CCT2: variants seen among roughly 807,000 people sequenced by gnomAD.
CCT2 encodes the protein chaperonin containing TCP1 subunit 2.
CCT2 carries 18 observed loss-of-function variants against 61.8 expected under a neutral mutation model. The ratio of observed to expected loss-of-function variants is 0.29; its 90% CI spans 0.20 to 0.43. CCT2 has a LOEUF of 0.43. CCT2 is among the 20% of genes least tolerant of loss of function. The pLI is 1.00. For missense variants in CCT2, 556 were observed against 656.9 expected (o/e 0.85, Z 1.68); for synonymous variants, 248 against 215.9 (o/e 1.15, Z -1.30).
chr12:69,586,698 CTG>C (rs1881673800), intron 2 of CCT2, 53 bp from the exon 3 acceptor site: 3 of 1,190,298 alleles, frequency 2.5e-6, no homozygotes, highest in Non-Finnish European at 3.6e-6. Flanking sequence ...AAAGATAAAA[CTG>C]TACTTGAAGA....
Position 69,589,531 on chromosome 12 carries a change from A to G in CCT2, c.493A>G (p.Thr165Ala). 1.2e-6 allele frequency: 2 copies of G among 1,614,148 alleles called. No individual in the cohort carries two copies. Among genetic ancestry groups the G allele is most frequent in the East Asian group, 2.2e-5 (1 of 44,880 alleles). ...FRQDLMNIAG[T>A]TLSSKLLTHH... ...TCAAGATTTAATGAATATTGCGGGC[A>G]CAACATTATCCTCAAAACTTCTTAC... The change falls in exon 7 of 16, where the codon ACA becomes GCA. Residue 165 changes from threonine to alanine, a missense_variant. By Grantham distance (58) the Thr-to-Ala change is moderately conservative (BLOSUM62 0). Around this residue, in one of 3 missense-constraint regions of CCT2, gnomAD observed 308 missense variants for 350.6 expected, o/e 0.88. Transcript: ENST00000299300.
intron 10 of CCT2, among the ~76,000 whole-genome samples, chr12:69,596,504 G>T (rs1233082645): frequency 1.3e-5 from 2 of 152,148 alleles, no homozygotes; most frequent in African/African-American, 4.8e-5. Flanking sequence ...GGGAAAATAG[G>T]AATAGAAATG....
chr12:69,587,932 A>T lies in CCT2; in HGVS notation c.259A>T (p.Met87Leu). 1 of 1,609,522 alleles carries T rather than the reference A, an allele frequency of 6.2e-7. No individual in the cohort carries two copies. The highest frequency in any genetic ancestry group is 8.5e-7 in the Non-Finnish European group (1 of 1,176,154). ...DNPAAKVLVDMSRVQDDEVGD... is the reference protein window; with the variant it reads ...DNPAAKVLVDLSRVQDDEVGD... ...TAATAACTAATTTCTTTTTCTAGAT[A>T]TGTCAAGGGTTCAAGATGATGAAGT... The change falls in exon 5 of 16, where the codon ATG becomes TTG. Residue 87 changes from methionine to leucine, a missense_variant and splice_region_variant. By Grantham distance (15) the Met-to-Leu change is conservative (BLOSUM62 2). Transcript: ENST00000299300.
In CCT2 at chr12:69,599,905, T is replaced by C. The variant is rs754693581; in HGVS notation, c.1478T>C (p.Ile493Thr). Residue 493 changes from isoleucine (I) to threonine (T), a missense_variant, in exon 15 of 16, where the codon ATA becomes ACA. Transcript: ENST00000299300. The part of the protein sequence containing the change: ...GTIGDMAILG[I>T]TESFQVKRQV... Reference sequence around the variant, plus strand: ...ATTGGAGATATGGCTATCCTGGGTATAACAGAAAGTTTTCAAGTGAAGCGA... The same window carrying C: ...ATTGGAGATATGGCTATCCTGGGTACAACAGAAAGTTTTCAAGTGAAGCGA... The C allele has an allele frequency of 6.2e-7, 1 of 1,613,910 alleles. No homozygotes were observed. The highest frequency in any genetic ancestry group is 1.1e-5 in the South Asian group (1 of 91,064).
At chr12:69,586,550 C>T (rs191887804) in intron 2 of CCT2, among the ~76,000 whole-genome samples, 2 of 152,010 alleles carry the variant, frequency 1.3e-5, no homozygotes, top group African/African-American at 2.4e-5. Context: ...CACCTGTAAT[C>T]CCAGCTACTC....
At chr12:69,596,449 G>T (rs1881996322) in intron 10 of CCT2, among the ~76,000 whole-genome samples, 1 of 152,186 alleles carries the variant, frequency 6.6e-6, no homozygotes, top group African/African-American at 2.4e-5. Context: ...TAGGAAATAG[G>T]GAACGAAGTG....
At chr12:69,593,159 C>T (rs1881887194) in intron 9 of CCT2, 56 bp downstream of exon 9, 3 of 1,455,214 alleles carry the variant, frequency 2.1e-6, no homozygotes, top group African/African-American at 2.8e-5. Flanking sequence ...TGGAATACTT[C>T]ATATTTACTT....
rs1052797432 is a variant in CCT2 at position 69,597,153 on chromosome 12, T to C, written c.983-3T>C. 2.5e-6 allele frequency: 4 copies of C among 1,613,524 alleles called. No homozygotes were observed. Among genetic ancestry groups the C allele is most frequent in the African/African-American group, 1.3e-5 (1 of 74,936 alleles). ...TTTAACTAATACATGTTTATGTTTA[T>C]AGGTGGTGAAATTGCCTCTACCTTT... On this transcript the variant is annotated splice_polypyrimidine_tract_variant and splice_region_variant and intron_variant, in intron 10 of 15. Coordinates refer to ENST00000299300, the MANE Select transcript of CCT2 (RefSeq NM_006431.3).
chr12:69,592,845 T>A, intron 8 of CCT2, 131 bp from the exon 9 acceptor site: 1 of 716,286 alleles, frequency 1.4e-6, no homozygotes, highest in Non-Finnish European at 2.2e-6. Flanking sequence ...GGAGAATCAC[T>A]TGAACCCAGC....
Position 69,599,860 on chromosome 12 carries a change from C to T in CCT2, c.1436-3C>T, listed in dbSNP as rs1882099303. ...TTTTTAGTAAATTTGTTTTTCTTTG[C>T]AGATATGAGGGAAGGCACCATTGGA... On this transcript the variant is annotated splice_region_variant and splice_polypyrimidine_tract_variant and intron_variant, in intron 14 of 15. Coordinates refer to ENST00000299300, the MANE Select transcript of CCT2 (RefSeq NM_006431.3). 1.3e-6 allele frequency: 2 copies of T among 1,595,970 alleles called. No individual in the cohort carries two copies. Among genetic ancestry groups the T allele is most frequent in the Non-Finnish European group, 1.7e-6 (2 of 1,172,920 alleles).
Position 69,597,685 on chromosome 12 carries a change from G to A in CCT2, c.1150G>A (p.Asp384Asn). ...VLRGATQQILDEAERSLHDAL... is the reference protein window; with the variant it reads ...VLRGATQQILNEAERSLHDAL... ...GCGTGGTGCCACTCAACAAATTTTA[G>A]ATGAAGCAGAAAGATCATTGCATGA... is the stretch of plus-strand genomic sequence containing the variant. The change falls in exon 12 of 16, where the codon GAT becomes AAT. Residue 384 changes from aspartate to asparagine, a missense_variant. Asp to Asn is a conservative substitution (Grantham distance 23, BLOSUM62 1). Transcript: ENST00000299300. 2 of 1,613,900 alleles carry A rather than the reference G, an allele frequency of 1.2e-6. No homozygotes were observed. Among genetic ancestry groups the A allele is most frequent in the Non-Finnish European group, 1.7e-6 (2 of 1,179,804 alleles).
At chr12:69,594,496 A>G (rs1881930381) in intron 10 of CCT2, among the ~76,000 whole-genome samples, 1 of 152,244 alleles carries the variant, frequency 6.6e-6, no homozygotes, top group Non-Finnish European at 1.5e-5. Flanking sequence ...AGTATGAGTG[A>G]TATAATTCCA....
intron 10 of CCT2, among the ~76,000 whole-genome samples, chr12:69,594,603 T>C (rs912495579): frequency 6.6e-6 from 1 of 152,174 alleles, no homozygotes; most frequent in Admixed American, 6.5e-5. Context: ...ATGCTTGTAA[T>C]CCCAGTGCTT....
rs1565799847 is a variant in CCT2 at position 69,592,043 on chromosome 12, CTTATAT to C, written c.650-11_650-6del. 3 of 1,387,208 alleles carry C rather than the reference CTTATAT, an allele frequency of 2.2e-6. No homozygotes were observed. The South Asian group carries it at 3.5e-5, about 16-fold the overall frequency. The allele number at this position is 1,387,208 out of a possible 1,614,324, so 85.9% of individuals were successfully genotyped here. On this transcript the variant is annotated splice_polypyrimidine_tract_variant and intron_variant, in intron 7 of 15. Transcript: ENST00000299300. ...TTGAAGTATTAAATATGATACTGTT[CTTATAT>C]TTATTGTAGGCTTCCTGTTGGATAA...
chr12:69,589,258 C>T, intron 6 of CCT2: 2 of 530,404 alleles, frequency 3.8e-6, no homozygotes, highest in South Asian at 2.1e-5. Context: ...TAGACTTTTG[C>T]ATGCTTGTGT....
In CCT2 at chr12:69,592,082, G is replaced by A; in HGVS notation, c.673G>A (p.Gly225Arg). Residue 225 changes from glycine to arginine, a missense_variant, in exon 8 of 16, where the codon GGA (glycine) becomes AGA (arginine). Gly to Arg is a moderately radical substitution (Grantham distance 125). This residue lies in a region of CCT2 where 308 missense variants were observed against 350.6 expected (regional missense o/e 0.88). Coordinates refer to ENST00000299300, the MANE Select transcript of CCT2 (RefSeq NM_006431.3). ...AGGCTTCCTGTTGGATAAAAAAATT[G>A]GAGTAAATCAACCAAAACGAATTGA... ...DEGFLLDKKI[G>R]VNQPKRIENA... 1.3e-6 allele frequency: 2 copies of A among 1,591,748 alleles called. No individual in the cohort carries two copies. The highest frequency in any genetic ancestry group is 1.7e-6 in the Non-Finnish European group (2 of 1,160,022).
intron 10 of CCT2, 23 bp from the exon 11 acceptor site, chr12:69,597,133 C>G (rs367864247): frequency 1.2e-6 from 2 of 1,609,116 alleles, no homozygotes; most frequent in Non-Finnish European, 1.7e-6. Context: ...GTGCATTTAA[C>G]TAATACATGT....
At position 69,586,886 on chromosome 12, in the gene CCT2, A is replaced by G. The variant is rs1022443554; in HGVS notation, c.144+68A>G. ...AGCGCTTGGTGGAAATATAATAACA[A>G]GCGTATTAAAATGCTTTTTAATCTT... is the stretch of plus-strand genomic sequence containing the variant. On this transcript the variant is annotated intron_variant, in intron 3 of 15. Coordinates refer to ENST00000299300, the MANE Select transcript of CCT2 (RefSeq NM_006431.3). The G allele has an allele frequency of 6.4e-6, 6 of 939,248 alleles. No homozygotes were observed. In the African/African-American group the frequency reaches 8.5e-5, roughly 13 times the overall value. The allele number at this position is 939,248 out of a possible 1,614,324, so 58.2% of individuals were successfully genotyped here. A position where few individuals can be genotyped will look rare whatever the true frequency, so the allele number is the denominator to read the frequency against.
chr12:69,601,511 A>G lies in CCT2; in HGVS notation c.*186A>G. 2 of 1,439,390 alleles carry G rather than the reference A, an allele frequency of 1.4e-6. No individual in the cohort carries two copies. Among genetic ancestry groups the G allele is most frequent in the Non-Finnish European group, 1.8e-6 (2 of 1,097,972 alleles). The allele number at this position is 1,439,390 out of a possible 1,614,324, so 89.2% of individuals were successfully genotyped here. A position where few individuals can be genotyped will look rare whatever the true frequency, so the allele number is the denominator to read the frequency against. ...TGCCGTGTCATTTTCCATACAAATC[A>G]GTTGATTTAAAAAAGTTCATTTCTC... On this transcript the variant is annotated 3_prime_UTR_variant, in exon 16 of 16. Coordinates refer to ENST00000299300, the MANE Select transcript of CCT2 (RefSeq NM_006431.3).
Sources: allele counts gnomAD v4.1 joint callset (sites outside exome capture counted in the v4.1 genomes callset), GRCh38; gene constraint gnomAD v4.1.1; regional missense constraint gnomAD v4.1.1; transcripts MANE v1.5; gene names NCBI Gene and HGNC (gene_info 2026-07-23, HGNC 2026-07-21).